The following ARMC2 variants were observed in gnomAD, a reference collection of about 807,000 sequenced individuals.
ARMC2 encodes armadillo repeat containing 2, also known as armadillo repeat-containing protein 2.
In ARMC2, 67 loss-of-function variants were observed where a neutral mutation model predicts 90.3. The ratio of observed to expected loss-of-function variants is 0.74; its 90% CI spans 0.61 to 0.91. The LOEUF (loss-of-function observed/expected upper bound fraction) is 0.91, where lower values mean the gene tolerates loss of function less well. Among genes scored for constraint, ARMC2 ranks in the 40% least tolerant of loss-of-function variants. The probability of loss-of-function intolerance (pLI) is 0.00; values close to 1 mark genes in which losing one functional copy is unlikely to be tolerated. For missense variants in ARMC2, 920 were observed against 1,030.9 expected, an observed-to-expected ratio of 0.89 and a Z score of 1.47; for synonymous variants, 393 against 393.0, an observed-to-expected ratio of 1.00 and a Z score of 0.00.
At chr6:108,897,414 T>G (rs187616136) in intron 6 of ARMC2, among the ~76,000 whole-genome samples, 104 of 152,312 alleles carry the variant, frequency 6.8e-4, no homozygotes, top group South Asian at 1.9e-3. Flanking sequence ...GATGGTGAAG[T>G]CTTGCATTGG....
chr6:109,028,403 C>T, the ARMC2 span, among the ~76,000 whole-genome samples: 1 of 152,042 alleles, frequency 6.6e-6, no homozygotes, highest in Non-Finnish European at 1.5e-5. Context: ...TCGAATGGGG[C>T]TAATTTGTTG....
the ARMC2 span, among the ~76,000 whole-genome samples, chr6:109,016,591 G>A: frequency 6.6e-6 from 1 of 152,138 alleles, no homozygotes; most frequent in African/African-American, 2.4e-5. Flanking sequence ...GAACTTTCCT[G>A]TCTGTTCTTC....
chr6:108,974,927 T>C (rs1274916303), downstream of ARMC2, among the ~76,000 whole-genome samples: 1 of 151,666 alleles, frequency 6.6e-6, no homozygotes, highest in Non-Finnish European at 1.5e-5. Flanking sequence ...ATACAAAAAT[T>C]AGTCTGGCAT....
rs551510964 is a variant in ARMC2, at chr6:108,856,630, G to A, written c.219-1569G>A. On this transcript the variant is annotated intron_variant, in intron 2 of 17. Coordinates refer to ENST00000392644, the MANE Select transcript of ARMC2 (RefSeq NM_032131.6). ...TCTTGTCTGACGCTTTGACAGCTTCGCAAATTCCTTGTGCTAGGCTGACCT... is the reference window on the plus strand; with the variant it reads ...TCTTGTCTGACGCTTTGACAGCTTCACAAATTCCTTGTGCTAGGCTGACCT... 4 of 184,660 alleles carry A rather than the reference G, an allele frequency of 2.2e-5. No homozygotes were observed. The East Asian group carries it at 3.5e-4, about 16-fold the overall frequency. 11.4% of individuals were successfully genotyped at this position (184,660 alleles called of 1,614,324 possible).
intron 11 of ARMC2, among the ~76,000 whole-genome samples, chr6:108,929,994 G>C (rs1297641017): frequency 6.6e-6 from 1 of 151,964 alleles, no homozygotes; most frequent in Non-Finnish European, 1.5e-5. Context: ...AGGCATGGTG[G>C]TATGTGACTG....
At chr6:108,940,137 T>A (rs1249133017) in intron 12 of ARMC2, among the ~76,000 whole-genome samples, 1 of 152,152 alleles carries the variant, frequency 6.6e-6, no homozygotes, top group Non-Finnish European at 1.5e-5. Context: ...TTATTAAAAT[T>A]AGCATGTAGT....
intron 17 of ARMC2, among the ~76,000 whole-genome samples, chr6:108,967,738 TTCTG>T (rs1297338940): frequency 4.6e-5 from 7 of 152,216 alleles, no homozygotes; most frequent in African/African-American, 1.7e-4. Flanking sequence ...GTTTCAAATA[TTCTG>T]TCTGTGGTTG....
chr6:108,965,127 C>G lies in ARMC2; in HGVS notation c.2433C>G (p.Leu811=), dbSNP rs1055433965. 1 of 1,605,744 alleles carries G rather than the reference C, an allele frequency of 6.2e-7. No individual in the cohort carries two copies. Among genetic ancestry groups the G allele is most frequent in the Admixed American group, 1.7e-5 (1 of 59,880 alleles). ...ACACCAACACACTCTTACTCTTGCT[C>G]TCATCATTTTTAGGTAAGACTCTTG... The part of the protein sequence containing the change: ...NEDTNTLLLL[L]SSFLDEELAL... The change falls in exon 17 of 18, where the codon CTC becomes CTG. Residue 811 remains leucine, a synonymous_variant. Coordinates refer to ENST00000392644, the MANE Select transcript of ARMC2 (RefSeq NM_032131.6).
At chr6:109,001,112 TTC>T in the ARMC2 span, among the ~76,000 whole-genome samples, 1 of 152,218 alleles carries the variant, frequency 6.6e-6, no homozygotes, top group Non-Finnish European at 1.5e-5. Flanking sequence ...TTGCTTCTTT[TTC>T]TGTTATACTT....
At chr6:108,943,746 A>G (rs979263612) in intron 12 of ARMC2, among the ~76,000 whole-genome samples, 2 of 152,184 alleles carry the variant, frequency 1.3e-5, no homozygotes, top group South Asian at 2.1e-4. Flanking sequence ...AGGCAGGAGA[A>G]TCACTTGAGC....
At chr6:108,876,867 A>G (rs1582986520) in intron 5 of ARMC2, among the ~76,000 whole-genome samples, 1 of 152,352 alleles carries the variant, frequency 6.6e-6, no homozygotes, top group African/African-American at 2.4e-5. Context: ...CCCCTCATAA[A>G]TGAATGATTG....
intron 3 of ARMC2, among the ~76,000 whole-genome samples, chr6:108,867,952 C>A (rs77963488): frequency 0.033 from 4,955 of 151,992 alleles, 210 homozygotes; most frequent in East Asian, 0.2. Context: ...ATAAATAAAT[C>A]AATAAATAGA....
At chr6:108,920,357 A>T (rs958256333) in intron 10 of ARMC2, among the ~76,000 whole-genome samples, 4 of 151,782 alleles carry the variant, frequency 2.6e-5, no homozygotes, top group African/African-American at 7.3e-5. Context: ...TTTTTTAATG[A>T]TGTATTTGTT....
intron 8 of ARMC2, among the ~76,000 whole-genome samples, chr6:108,906,970 G>A (rs909740371): frequency 6.6e-6 from 1 of 152,098 alleles, no homozygotes; most frequent in Non-Finnish European, 1.5e-5. Flanking sequence ...AAATAAGATC[G>A]TCTACATCCC....
At chr6:108,994,552 C>T in the ARMC2 span, 1 of 1,613,594 alleles carries the variant, frequency 6.2e-7, no homozygotes, top group Non-Finnish European at 8.5e-7. Flanking sequence ...TCTCGACATT[C>T]CTGTAACTGC....
chr6:108,872,773 C>T (rs1341078163), intron 4 of ARMC2, among the ~76,000 whole-genome samples: 1 of 152,184 alleles, frequency 6.6e-6, no homozygotes, highest in African/African-American at 2.4e-5. Context: ...CCCTGTTGTG[C>T]CTACAGAAGT....
At chr6:108,848,594 C>G (rs1371398644) in intron 1 of ARMC2, 48 bp downstream of exon 1, 1 of 152,572 alleles carries the variant, frequency 6.6e-6, no homozygotes, top group Admixed American at 6.5e-5. Context: ...CCTCGCCAAG[C>G]TCATTCCCCG....
intron 7 of ARMC2, among the ~76,000 whole-genome samples, chr6:108,902,346 A>G (rs963357766): frequency 6.6e-6 from 1 of 152,210 alleles, no homozygotes; most frequent in Admixed American, 6.5e-5. Flanking sequence ...AAAGCTAAAA[A>G]CAAGTATTCT....
At chr6:109,038,179 A>G in the ARMC2 span, among the ~76,000 whole-genome samples, 1 of 152,192 alleles carries the variant, frequency 6.6e-6, no homozygotes, top group Admixed American at 6.5e-5. Flanking sequence ...ACTGGCTTGT[A>G]TTTAGGGGCT....
Sources: allele counts gnomAD v4.1 joint callset (sites outside exome capture counted in the v4.1 genomes callset), GRCh38; gene constraint gnomAD v4.1.1; transcripts MANE v1.5; gene names NCBI Gene and HGNC (gene_info 2026-07-23, HGNC 2026-07-21).